Variants in MICAL1 observed in about 807,000 individuals in gnomAD.
MICAL1 encodes [F-actin]-monooxygenase MICAL1.
MICAL1 carries 95 observed loss-of-function variants against 131.8 expected under a neutral mutation model. The observed-to-expected ratio is 0.72, with a 90% confidence interval of 0.61 to 0.86. The LOEUF is 0.86. MICAL1 is among the 40% of genes least tolerant of loss of function. The pLI, the probability that MICAL1 is intolerant of heterozygous loss-of-function variation, is 0.00. For synonymous variants in MICAL1, 546 were observed against 554.2 expected (o/e 0.99, Z 0.21); for missense variants, 1,292 against 1,380.6 (o/e 0.94, Z 1.02).
rs746676376 is a variant in MICAL1 at position 109,447,889 on chromosome 6, G to A, written c.1930C>T (p.Arg644Ter). ...AAACTCTCCACCTTGGCCCGGGATC[G>A]CTGCAGGGTCCTCTGAAGTTTACTA... is the stretch of plus-strand genomic sequence containing the variant. The part of the protein sequence containing the change: ...FLSKLQRTLQ[R>*]SRAKENAEDA... The change falls in exon 14 of 25, where the codon CGA (arginine) becomes TGA (stop). Residue 644 changes from arginine to a stop codon, truncating the protein, a stop_gained. Transcript: ENST00000358807. LOFTEE classifies it high-confidence loss of function. 7 of 1,613,176 alleles carry A rather than the reference G, an allele frequency of 4.3e-6. No homozygotes were observed. Among genetic ancestry groups the A allele is most frequent in the Middle Eastern group, 1.7e-4 (1 of 6,058 alleles).
intron 1 of MICAL1, chr6:109,463,623 C>T (rs573698717): frequency 1.6e-4 from 24 of 152,244 alleles, no homozygotes; most frequent in Non-Finnish European, 2.8e-4. Flanking sequence ...CTGTTTTCAA[C>T]TGTAAGTTGT....
upstream of MICAL1, chr6:109,456,049 T>G: frequency 1.0e-6 from 1 of 984,712 alleles, no homozygotes. Flanking sequence ...CGTTCCGCTC[T>G]GGGGCCTCTG....
chr6:109,448,061 A>G, intron 13 of MICAL1, 98 bp from the exon 14 acceptor site: 1 of 1,396,318 alleles, frequency 7.2e-7, no homozygotes, highest in Non-Finnish European at 9.5e-7. Context: ...CACCTCTCCC[A>G]GGCTGGCCCT....
upstream of MICAL1, among the ~76,000 whole-genome samples, chr6:109,457,468 G>A (rs1775782834): frequency 6.6e-6 from 1 of 151,992 alleles, no homozygotes; most frequent in African/African-American, 2.4e-5. Flanking sequence ...TTTAGAGGAA[G>A]TGAACTGTCA....
chr6:109,446,192 C>A lies in MICAL1; in HGVS notation c.2525G>T (p.Arg842Leu). 6.3e-7 allele frequency: 1 copy of A among 1,586,930 alleles called. No individual in the cohort carries two copies. Among genetic ancestry groups the A allele is most frequent in the Non-Finnish European group, 8.6e-7 (1 of 1,168,316 alleles). The part of the protein sequence containing the change: ...KPPRSCSALA[R>L]HALESSFVGW... ...CACAAAGCTGCTCTCCAGGGCGTGG[C>A]GGGCCAAGGCGGAGCAGCTGCGGGG... Residue 842 changes from arginine (R) to leucine (L), a missense_variant, in exon 19 of 25, where the codon CGC becomes CTC. Transcript: ENST00000358807.
chr6:109,450,846 T>C (rs1028528324), intron 7 of MICAL1, among the ~76,000 whole-genome samples: 1 of 152,190 alleles, frequency 6.6e-6, no homozygotes, highest in Non-Finnish European at 1.5e-5. Flanking sequence ...AGTTTGTCCA[T>C]CACTTAGAGA....
intron 15 of MICAL1, 34 bp from the exon 16 acceptor site, chr6:109,447,474 A>AG: frequency 6.3e-7 from 1 of 1,594,032 alleles, no homozygotes; most frequent in South Asian, 1.1e-5. Flanking sequence ...GGGAGGGTAG[A>AG]GGGGCAGGGC....
intron 1 of MICAL1, among the ~76,000 whole-genome samples, chr6:109,461,063 G>A (rs1269804927): frequency 6.6e-6 from 1 of 152,056 alleles, no homozygotes; most frequent in African/African-American, 2.4e-5. Flanking sequence ...CCATCAACTT[G>A]TCATTTACAT....
upstream of MICAL1, among the ~76,000 whole-genome samples, chr6:109,457,368 C>T (rs1201353992): frequency 6.6e-6 from 1 of 151,648 alleles, no homozygotes; most frequent in African/African-American, 2.4e-5. Flanking sequence ...TTCTAAAGTC[C>T]ACTACAGCTG....
chr6:109,458,610 AG>A (rs895201389), upstream of MICAL1, among the ~76,000 whole-genome samples: 1 of 152,154 alleles, frequency 6.6e-6, no homozygotes, highest in Non-Finnish European at 1.5e-5. Context: ...AAAGAAAAAA[AG>A]GAGTCCCATT....
Position 109,453,820 on chromosome 6 carries a change from C to T in MICAL1, c.284G>A (p.Cys95Tyr). 6.2e-7 allele frequency: 1 copy of T among 1,613,538 alleles called. No individual in the cohort carries two copies. Among genetic ancestry groups the T allele is most frequent in the Non-Finnish European group, 8.5e-7 (1 of 1,180,026 alleles). ...TKCLVVGAGP[C>Y]GLRVAVELAL... ...CAGCTCCACAGCGACCCGCAGCCCGCAAGGTCCAGCACCCACCACCAGGCA... is the reference window on the plus strand; with the variant it reads ...CAGCTCCACAGCGACCCGCAGCCCGTAAGGTCCAGCACCCACCACCAGGCA... The change falls in exon 3 of 25, where the codon TGC becomes TAC. Residue 95 changes from cysteine (C) to tyrosine (Y), a missense_variant. Physicochemically the swap from Cys to Tyr is radical, Grantham distance 194. Coordinates refer to ENST00000358807, the MANE Select transcript of MICAL1 (RefSeq NM_022765.4).
Position 109,445,585 on chromosome 6 carries a change from G to A in MICAL1, c.2674-56C>T, listed in dbSNP as rs140680058. The A allele has an allele frequency of 9.5e-5, 152 of 1,595,456 alleles. No individual in the cohort carries two copies. The East Asian group carries it at 2.9e-3, about 31-fold the overall frequency. ...GGCCTGGGCCCCCTGGTGGATAGGA[G>A]TGTTGTTTGGAAAGGCAGAAAATAA... On this transcript the variant is annotated intron_variant, in intron 20 of 24. Transcript: ENST00000358807.
chr6:109,455,148 G>A lies in MICAL1; in HGVS notation c.-44+571C>T, dbSNP rs1048315465. ...CCCACGCCACCTGAAGGGTGCCCGA[G>A]GGGGTTTCTCACGCGGGGCCCAGAA... On this transcript the variant is annotated intron_variant, in intron 1 of 24. Transcript: ENST00000358807. The surrounding 1 kb of genome is among the most constrained non-coding windows in gnomAD (Gnocchi z 4.7). Among the ~76,000 whole-genome samples, 4 of 152,190 alleles carry A rather than the reference G, an allele frequency of 2.6e-5. No individual in the cohort carries two copies. The highest frequency in any genetic ancestry group is 5.9e-5 in the Non-Finnish European group (4 of 68,022).
chr6:109,460,523 T>TACACACACACACACACACAC (rs113472586), upstream of MICAL1, among the ~76,000 whole-genome samples: 33 of 147,784 alleles, frequency 2.2e-4, no homozygotes, highest in Non-Finnish European at 3.3e-4. Flanking sequence ...TATATATAAA[T>TACACACACACACACACACAC]ACACACACAC....
chr6:109,448,581 C>A (rs1031127533), intron 12 of MICAL1, 151 bp downstream of exon 12: 2 of 1,331,116 alleles, frequency 1.5e-6, no homozygotes, highest in African/African-American at 1.4e-5. Flanking sequence ...GGGGCCTGTG[C>A]CATTCACAAA....
chr6:109,453,988 C>T lies in MICAL1; in HGVS notation c.209G>A (p.Arg70Gln), dbSNP rs565842929. The T allele has an allele frequency of 1.8e-5, 29 of 1,614,046 alleles. No individual in the cohort carries two copies. The Middle Eastern group carries it at 9.9e-4, about 55-fold the overall frequency. ...CTGCTGGTAGACAGGCTGGCCTGCTCGCTTGTCCAGCTTGGTCCACAGTGA... is the reference window on the plus strand; with the variant it reads ...CTGCTGGTAGACAGGCTGGCCTGCTTGCTTGTCCAGCTTGGTCCACAGTGA... Reference protein sequence around the residue: ...AKSLWTKLDKRAGQPVYQQGR... With the variant: ...AKSLWTKLDKQAGQPVYQQGR... Residue 70 changes from arginine to glutamine, a missense_variant, in exon 2 of 25, where the codon CGA becomes CAA. Physicochemically the swap from Arg to Gln is conservative, Grantham distance 43. Coordinates refer to ENST00000358807, the MANE Select transcript of MICAL1 (RefSeq NM_022765.4).
At chr6:109,444,435 G>T in intron 24 of MICAL1, 96 bp from the exon 25 acceptor site, 1 of 1,552,400 alleles carries the variant, frequency 6.4e-7, no homozygotes. Context: ...CTATAACCCG[G>T]GCTTTGTTTC....
At position 109,455,721 on chromosome 6, in the gene MICAL1, G is replaced by C. The variant is rs1332556778; in HGVS notation, c.-46C>G. 1.0e-6 allele frequency: 1 copy of C among 983,584 alleles called. No homozygotes were observed. The allele number at this position is 983,584 out of a possible 1,614,324, so 60.9% of individuals were successfully genotyped here. The stretch of plus-strand genomic sequence containing the variant: ...GCCGGCTCCGCTGGACGACTTACCG[G>C]CGGCTCCGAAGCCGGGAGGGGCCGC... On this transcript the variant is annotated splice_region_variant and 5_prime_UTR_variant, in exon 1 of 25. Coordinates refer to ENST00000358807, the MANE Select transcript of MICAL1 (RefSeq NM_022765.4). This position sits in a 1 kb window ranked among gnomAD's most constrained non-coding sequence, Gnocchi z 4.7.
chr6:109,445,507 G>A lies in MICAL1; in HGVS notation c.2696C>T (p.Thr899Ile), dbSNP rs146891940. 136 of 1,614,132 alleles carry A rather than the reference G, an allele frequency of 8.4e-5. 2 individuals carry two copies. The African/African-American group carries it at 1.7e-3, about 20-fold the overall frequency. Residue 899 changes from threonine to isoleucine, a missense_variant, in exon 21 of 25, where the codon ACC becomes ATC. Transcript: ENST00000358807. The stretch of plus-strand genomic sequence containing the variant: ...TGGGTAGTTATTCATGGTGCCTGAG[G>A]TCTTGGCAAAGGTCTGCAGGGCCTA... ...VEQALQTFAKTSGTMNNYPTW... is the reference protein window; with the variant it reads ...VEQALQTFAKISGTMNNYPTW...
Sources: allele counts gnomAD v4.1 joint callset (sites outside exome capture counted in the v4.1 genomes callset), GRCh38; gene constraint gnomAD v4.1.1; non-coding constraint Gnocchi (gnomAD v3.1); transcripts MANE v1.5; gene names NCBI Gene and HGNC (gene_info 2026-07-23, HGNC 2026-07-21).